MTREX: variants seen among roughly 807,000 people sequenced by gnomAD.
MTREX encodes exosome RNA helicase MTR4.
Under a neutral mutation model 135.4 loss-of-function variants are expected in MTREX, and 76 were observed. The ratio of observed to expected loss-of-function variants is 0.56; its 90% confidence interval spans 0.47 to 0.68. The LOEUF is 0.68. Among genes scored for constraint, MTREX ranks in the 30% least tolerant of loss-of-function variants. MTREX has a pLI of 0.00. For missense variants in MTREX, 920 were observed against 1,262.1 expected, an observed-to-expected ratio of 0.73 and a Z score of 4.11; for synonymous variants, 404 against 401.6, an observed-to-expected ratio of 1.01 and a Z score of -0.07.
At chr5:55,333,791 T>G (rs1317302876) in intron 5 of MTREX, among the ~76,000 whole-genome samples, 1 of 152,114 alleles carries the variant, frequency 6.6e-6, no homozygotes, top group African/African-American at 2.4e-5. Context: ...TAATGTAGAA[T>G]GTAATGTGTT....
intron 1 of MTREX, among the ~76,000 whole-genome samples, chr5:55,321,896 C>G (rs185942339): frequency 6.6e-6 from 1 of 152,116 alleles, no homozygotes; most frequent in African/African-American, 2.4e-5. Flanking sequence ...GTATGAGCCA[C>G]CGTGCCCGGC....
intron 6 of MTREX, among the ~76,000 whole-genome samples, chr5:55,340,621 T>C (rs532873864): frequency 6.3e-4 from 96 of 152,288 alleles, no homozygotes; most frequent in African/African-American, 2.2e-3. Flanking sequence ...TCGTTCTGTC[T>C]CGCAGGCTGG....
chr5:55,311,902 T>C lies in MTREX; in HGVS notation c.134+3755T>C, dbSNP rs150538416. Among the ~76,000 whole-genome samples, 431 of 152,366 alleles carry C rather than the reference T, an allele frequency of 2.8e-3. 1 individual carries two copies. Among genetic ancestry groups the C allele is most frequent in the African/African-American group, 9.9e-3 (412 of 41,590 alleles). On this transcript the variant is annotated intron_variant, in intron 1 of 26. Coordinates refer to ENST00000230640, the MANE Select transcript of MTREX (RefSeq NM_015360.5). Reference sequence around the variant, plus strand: ...GAAAATTTTAAATTACATATGCAGCTTGTAGCTTGTATATGTATGTATATA... The same window carrying C: ...GAAAATTTTAAATTACATATGCAGCCTGTAGCTTGTATATGTATGTATATA...
At chr5:55,339,407 A>T (rs982579658) in intron 5 of MTREX, among the ~76,000 whole-genome samples, 5 of 152,196 alleles carry the variant, frequency 3.3e-5, no homozygotes, top group African/African-American at 7.2e-5. Context: ...TATTCTGGGC[A>T]GGAGCTGAAT....
chr5:55,335,931 C>T (rs946406645), intron 5 of MTREX, among the ~76,000 whole-genome samples: 1 of 152,124 alleles, frequency 6.6e-6, no homozygotes, highest in Non-Finnish European at 1.5e-5. Context: ...TTTCTGTTAG[C>T]AACACTTTGC....
At chr5:55,314,091 G>A (rs1160332304) in intron 1 of MTREX, among the ~76,000 whole-genome samples, 2 of 152,020 alleles carry the variant, frequency 1.3e-5, no homozygotes, top group Non-Finnish European at 2.9e-5. Flanking sequence ...ATGCAACAAT[G>A]TCTGTTTTGT....
intron 11 of MTREX, among the ~76,000 whole-genome samples, chr5:55,347,513 T>C (rs1026852068): frequency 6.6e-6 from 1 of 152,234 alleles, no homozygotes; most frequent in African/African-American, 2.4e-5. Context: ...GAAAATACCA[T>C]GCTTCATTCT....
At chr5:55,337,788 A>ATG (rs1749577213) in intron 5 of MTREX, among the ~76,000 whole-genome samples, 1 of 140,836 alleles carries the variant, frequency 7.1e-6, no homozygotes, top group East Asian at 2.3e-4. Flanking sequence ...TATATTTCTC[A>ATG]TGTTTTTTTT....
chr5:55,396,400 G>A (rs1292937119), intron 19 of MTREX, among the ~76,000 whole-genome samples: 1 of 152,110 alleles, frequency 6.6e-6, no homozygotes, highest in African/African-American at 2.4e-5. Context: ...AGGAGAATGT[G>A]CTTGTTCTTA....
intron 1 of MTREX, among the ~76,000 whole-genome samples, chr5:55,309,434 T>C (rs1749066450): frequency 6.6e-6 from 1 of 152,318 alleles, no homozygotes; most frequent in South Asian, 2.1e-4. Context: ...TTATGTTAGT[T>C]ATCTGGTTGT....
chr5:55,365,244 A>G (rs1419038744), intron 15 of MTREX, among the ~76,000 whole-genome samples: 1 of 152,168 alleles, frequency 6.6e-6, no homozygotes, highest in East Asian at 1.9e-4. Context: ...TATAAAGTAG[A>G]TGAAGTTCTT....
At position 55,312,247 on chromosome 5, in the gene MTREX, TAAAGA is replaced by T. The variant is rs1749125517; in HGVS notation, c.134+4105_134+4109del. Among the ~76,000 whole-genome samples the T allele has an allele frequency of 3.9e-5, 6 of 152,200 alleles. No individual in the cohort carries two copies. In the South Asian group the frequency reaches 1.2e-3, roughly 32 times the overall value. On this transcript the variant is annotated intron_variant, in intron 1 of 26. Transcript: ENST00000230640. ...TTTGTTTACCTTGAAATACAGTTCA[TAAAGA>T]AAAGGCAGGATAAATGCTTGATCCT...
chr5:55,425,292 T>TAA lies in MTREX; in HGVS notation c.*523_*524dup. 1 of 1,609,330 alleles carries TAA rather than the reference T, an allele frequency of 6.2e-7. No homozygotes were observed. The highest frequency in any genetic ancestry group is 8.5e-7 in the Non-Finnish European group (1 of 1,175,942). ...TGAGAGTCCTCCTCTTTTCTTTCTT[T>TAA]AAAAGAAGTTCTTTCTTTGAAGAAA... On this transcript the variant is annotated 3_prime_UTR_variant, in exon 27 of 27. Transcript: ENST00000230640.
chr5:55,415,164 C>T (rs1166148376), intron 24 of MTREX, among the ~76,000 whole-genome samples: 1 of 151,286 alleles, frequency 6.6e-6, no homozygotes, highest in Non-Finnish European at 1.5e-5. Flanking sequence ...CCCTTCAGAA[C>T]AACAGACACT....
At chr5:55,331,310 CA>C (rs550466883) in intron 5 of MTREX, among the ~76,000 whole-genome samples, 63 of 152,194 alleles carry the variant, frequency 4.1e-4, no homozygotes, top group African/African-American at 1.5e-3. Flanking sequence ...CATTTTTGTA[CA>C]TATTTGTGAG....
chr5:55,343,475 T>G lies in MTREX; in HGVS notation c.906+20T>G. 1 of 1,604,714 alleles carries G rather than the reference T, an allele frequency of 6.2e-7. No homozygotes were observed. Among genetic ancestry groups the G allele is most frequent in the Non-Finnish European group, 8.5e-7 (1 of 1,173,582 alleles). On this transcript the variant is annotated intron_variant, in intron 8 of 26. Coordinates refer to ENST00000230640, the MANE Select transcript of MTREX (RefSeq NM_015360.5). ...AAACAGGTATTTTTTCCTCCTTTTT[T>G]GATGTCTTCAATATTCAAAATGTTA...
intron 23 of MTREX, among the ~76,000 whole-genome samples, chr5:55,411,748 A>C (rs1317032574): frequency 6.6e-6 from 1 of 152,178 alleles, no homozygotes; most frequent in Non-Finnish European, 1.5e-5. Context: ...GGAATGCATT[A>C]CTTTACAAAA....
At chr5:55,342,863 A>G (rs16884084) in intron 7 of MTREX, among the ~76,000 whole-genome samples, 20,676 of 152,214 alleles carry the variant, frequency 0.14, 1,730 homozygotes, top group East Asian at 0.26. Flanking sequence ...GTTTTAATAA[A>G]AAATGACTTA....
chr5:55,311,566 TA>T (rs1284911557), intron 1 of MTREX, among the ~76,000 whole-genome samples: 1 of 152,224 alleles, frequency 6.6e-6, no homozygotes, highest in Non-Finnish European at 1.5e-5. Flanking sequence ...AACTGCCATT[TA>T]ACTTGCTCCT....
Sources: gnomAD v4.1 joint callset for allele counts (sites outside exome capture counted in the v4.1 genomes callset) on GRCh38, gnomAD v4.1.1 for gene constraint, MANE v1.5 for transcripts, NCBI Gene and HGNC (gene_info 2026-07-23, HGNC 2026-07-21) for gene names.